The following GNG2 variants were observed in gnomAD, a reference collection of about 807,000 sequenced individuals.
The protein encoded by GNG2 is guanine nucleotide-binding protein G(I)/G(S)/G(O) subunit gamma-2.
In GNG2, 5 loss-of-function variants were observed where a neutral mutation model predicts 5.5. The ratio of observed to expected loss-of-function variants is 0.91; its 90% CI spans 0.48 to 1.92. The LOEUF (loss-of-function observed/expected upper bound fraction) is 1.92, where lower values mean the gene tolerates loss of function less well. Ranked by LOEUF, GNG2 falls within the 30% of genes most tolerant of loss-of-function variation. The pLI is 0.01. For missense variants in GNG2, 55 were observed against 88.4 expected, an observed-to-expected ratio of 0.62 and a Z score of 1.52; for synonymous variants, 28 against 32.0, an observed-to-expected ratio of 0.88 and a Z score of 0.42.
At chr14:51,901,133 G>A (rs1030859964) in intron 2 of GNG2, among the ~76,000 whole-genome samples, 5 of 152,108 alleles carry the variant, frequency 3.3e-5, no homozygotes, top group African/African-American at 1.2e-4. Flanking sequence ...GAGCTATATT[G>A]GGTGTTAACA....
At chr14:51,909,542 T>G (rs771272828) in intron 2 of GNG2, among the ~76,000 whole-genome samples, 1 of 152,108 alleles carries the variant, frequency 6.6e-6, no homozygotes, top group Non-Finnish European at 1.5e-5. Flanking sequence ...CAGAGGAGTT[T>G]AAGACCAAAA....
At chr14:51,837,521 C>A (rs974883001) in intron 2 of GNG2, among the ~76,000 whole-genome samples, 1 of 151,848 alleles carries the variant, frequency 6.6e-6, no homozygotes, top group Non-Finnish European at 1.5e-5. Flanking sequence ...GGGTCGCATG[C>A]CTGTAGTTTC....
At chr14:51,964,784 G>C (rs2140308634) in intron 3 of GNG2, among the ~76,000 whole-genome samples, 1 of 152,296 alleles carries the variant, frequency 6.6e-6, no homozygotes, top group Non-Finnish European at 1.5e-5. Context: ...GGTGAGGCGG[G>C]AGGATGGCTT....
upstream of GNG2, among the ~76,000 whole-genome samples, chr14:51,857,893 A>T (rs1882235540): frequency 6.6e-6 from 1 of 152,158 alleles, no homozygotes; most frequent in South Asian, 2.1e-4. Flanking sequence ...ATTAAACATA[A>T]CTCCAAGGAA....
chr14:51,951,598 C>T (rs1486809511), intron 3 of GNG2, among the ~76,000 whole-genome samples: 1 of 152,184 alleles, frequency 6.6e-6, no homozygotes, highest in African/African-American at 2.4e-5. Context: ...AAAACTACAA[C>T]CTTCTTCCAA....
At chr14:51,890,932 C>A (rs1191433841) in intron 2 of GNG2, among the ~76,000 whole-genome samples, 2 of 107,870 alleles carry the variant, frequency 1.9e-5, no homozygotes, top group African/African-American at 7.6e-5. Flanking sequence ...AAAGAGATGG[C>A]TTTGAATTCC....
chr14:51,838,404 ACTG>A (rs1881397136), intron 2 of GNG2, among the ~76,000 whole-genome samples: 1 of 152,040 alleles, frequency 6.6e-6, no homozygotes, highest in South Asian at 2.1e-4. Flanking sequence ...AGATTGCACC[ACTG>A]CTCTCCAGCC....
intron 2 of GNG2, among the ~76,000 whole-genome samples, chr14:51,854,688 T>G (rs986740960): frequency 6.6e-6 from 1 of 151,968 alleles, no homozygotes; most frequent in Non-Finnish European, 1.5e-5. Context: ...AATTTTTGTA[T>G]TTTTAGTAGA....
chr14:51,900,805 A>C (rs951201479), intron 2 of GNG2, among the ~76,000 whole-genome samples: 1 of 152,086 alleles, frequency 6.6e-6, no homozygotes, highest in African/African-American at 2.4e-5. Flanking sequence ...AATTGCCAGA[A>C]AGAGTAGCTC....
At chr14:51,885,153 TAA>T (rs1198067015) in intron 2 of GNG2, among the ~76,000 whole-genome samples, 1 of 152,206 alleles carries the variant, frequency 6.6e-6, no homozygotes, top group Non-Finnish European at 1.5e-5. Context: ...AAGTTGTGAC[TAA>T]AAGAGTTTTG....
intron 2 of GNG2, among the ~76,000 whole-genome samples, chr14:51,840,328 G>T (rs912810971): frequency 6.6e-6 from 1 of 152,074 alleles, no homozygotes; most frequent in Non-Finnish European, 1.5e-5. Context: ...TGTCAATCAT[G>T]TCCCCTGTGA....
At chr14:51,927,763 C>T (rs1304041408) in intron 2 of GNG2, among the ~76,000 whole-genome samples, 2 of 152,128 alleles carry the variant, frequency 1.3e-5, no homozygotes, top group East Asian at 3.9e-4. Flanking sequence ...GTTCAATTGC[C>T]CAGTTAGATT....
chr14:51,900,347 G>A (rs1594892484), intron 2 of GNG2, among the ~76,000 whole-genome samples: 1 of 151,924 alleles, frequency 6.6e-6, no homozygotes, highest in East Asian at 1.9e-4. Flanking sequence ...TAAAAGATTT[G>A]ATTAACTCAC....
At chr14:51,966,231 A>AAAAAAAAAAAAAAAAAAAAAAAAAG in intron 3 of GNG2, among the ~76,000 whole-genome samples, 1 of 108,498 alleles carries the variant, frequency 9.2e-6, no homozygotes, top group Non-Finnish European at 2.0e-5. Flanking sequence ...AAAAAAAAAA[A>AAAAAAAAAAAAAAAAAAAAAAAAAG]AAAAAACAAA....
intron 2 of GNG2, among the ~76,000 whole-genome samples, chr14:51,854,629 G>GC (rs1882065407): frequency 1.5e-5 from 1 of 67,882 alleles, no homozygotes; most frequent in African/African-American, 5.8e-5. Context: ...TCCTGCCTCA[G>GC]CTCCCCCCGA....
intron 2 of GNG2, among the ~76,000 whole-genome samples, chr14:51,849,794 C>G (rs1881820746): frequency 7.3e-6 from 1 of 137,526 alleles, no homozygotes; most frequent in Admixed American, 8.3e-5. Context: ...ATTTTAGATA[C>G]AAAGCAAATG....
At chr14:51,931,526 C>G (rs1887656771) in intron 2 of GNG2, among the ~76,000 whole-genome samples, 1 of 151,802 alleles carries the variant, frequency 6.6e-6, no homozygotes, top group Admixed American at 6.6e-5. Flanking sequence ...AGAGTGTTTA[C>G]AGCAATGAGA....
chr14:51,940,279 C>T (rs12880965), intron 2 of GNG2: 13,817 of 152,242 alleles, frequency 0.091, 1,170 homozygotes, highest in East Asian at 0.29. Flanking sequence ...GTGAGTCCAG[C>T]TCTCTGTGTC....
At chr14:51,956,389 T>C (rs55895922) in intron 3 of GNG2, among the ~76,000 whole-genome samples, 62,289 of 151,916 alleles carry the variant, frequency 0.41, 13,270 homozygotes, top group African/African-American at 0.49. Flanking sequence ...ACTAAGCTCT[T>C]ACCTGTGGGA....
Sources: allele counts gnomAD v4.1 joint callset (sites outside exome capture counted in the v4.1 genomes callset), GRCh38; gene constraint gnomAD v4.1.1; transcripts MANE v1.5; gene names NCBI Gene and HGNC (gene_info 2026-07-23, HGNC 2026-07-21).